Variants in CDK14 observed in about 807,000 individuals in gnomAD.
CDK14 encodes cyclin dependent kinase 14.
Under a neutral mutation model 60.7 loss-of-function variants are expected in CDK14, and 34 were observed. The observed-to-expected ratio is 0.56, with a 90% CI of 0.43 to 0.75. CDK14 has a LOEUF of 0.75. CDK14 is among the 30% of genes least tolerant of loss of function. The pLI is 0.00. For synonymous variants in CDK14, 197 were observed against 203.7 expected (o/e 0.97, Z 0.28); for missense variants, 482 against 564.1 (o/e 0.85, Z 1.47).
At chr7:91,027,695 G>C (rs1239398092) in intron 10 of CDK14, among the ~76,000 whole-genome samples, 3 of 150,894 alleles carry the variant, frequency 2.0e-5, no homozygotes, top group African/African-American at 7.3e-5. Flanking sequence ...GGGTACAAGT[G>C]GTTTTTGGTT....
At chr7:90,823,278 G>A (rs1789613647) in intron 5 of CDK14, among the ~76,000 whole-genome samples, 1 of 152,148 alleles carries the variant, frequency 6.6e-6, no homozygotes, top group African/African-American at 2.4e-5. Flanking sequence ...ATTCCCAAAG[G>A]AGATATCTAC....
At chr7:90,882,065 AG>A (rs1791773653) in intron 6 of CDK14, among the ~76,000 whole-genome samples, 1 of 152,190 alleles carries the variant, frequency 6.6e-6, no homozygotes, top group South Asian at 2.1e-4. Flanking sequence ...GCATGATGAC[AG>A]GATAAATTCA....
intron 7 of CDK14, among the ~76,000 whole-genome samples, chr7:90,900,322 T>C (rs1052058250): frequency 2.0e-5 from 3 of 152,176 alleles, no homozygotes; most frequent in Non-Finnish European, 2.9e-5. Flanking sequence ...ATATGTCTTC[T>C]TTTTGTGTTT....
chr7:91,069,615 A>G (rs1798078819), intron 11 of CDK14, among the ~76,000 whole-genome samples: 2 of 152,260 alleles, frequency 1.3e-5, no homozygotes. Flanking sequence ...ATTAAGCCTA[A>G]TAAGTATTAA....
chr7:91,173,138 C>G (rs1319515528), intron 14 of CDK14, among the ~76,000 whole-genome samples: 1 of 148,778 alleles, frequency 6.7e-6, no homozygotes, highest in Non-Finnish European at 1.5e-5. Flanking sequence ...ATATAACAAA[C>G]AAAAGGTTAC....
At chr7:90,700,293 C>T (rs942521339) in intron 2 of CDK14, among the ~76,000 whole-genome samples, 2 of 152,084 alleles carry the variant, frequency 1.3e-5, no homozygotes, top group Non-Finnish European at 2.9e-5. Context: ...GGGGTTTCAC[C>T]ATGTTGGCCA....
At chr7:91,177,436 CAT>C (rs1422577046) in intron 14 of CDK14, among the ~76,000 whole-genome samples, 2 of 151,802 alleles carry the variant, frequency 1.3e-5, no homozygotes, top group African/African-American at 4.8e-5. Context: ...TCCTATTCAA[CAT>C]AGTGTTGGAA....
chr7:90,633,745 C>CT (rs58349665), intron 2 of CDK14, among the ~76,000 whole-genome samples: 7,192 of 151,432 alleles, frequency 0.047, 203 homozygotes, highest in Non-Finnish European at 0.055. Flanking sequence ...TTTTATAAAT[C>CT]TTTTTTTTTC....
chr7:90,877,949 G>A (rs542175989), intron 6 of CDK14, among the ~76,000 whole-genome samples: 1 of 152,160 alleles, frequency 6.6e-6, no homozygotes, highest in South Asian at 2.1e-4. Context: ...TGGATGAGCA[G>A]CCAGTCTCCA....
chr7:90,599,277 GTTA>G (rs566507035), intron 1 of CDK14, among the ~76,000 whole-genome samples: 99 of 152,274 alleles, frequency 6.5e-4, no homozygotes, highest in Non-Finnish European at 1.2e-3. Context: ...CATTGTTTTT[GTTA>G]TTATTAGGAA....
intron 14 of CDK14, among the ~76,000 whole-genome samples, chr7:91,150,748 A>G (rs560139954): frequency 6.6e-6 from 1 of 152,290 alleles, no homozygotes; most frequent in East Asian, 1.9e-4. Context: ...TCTGAGTCCA[A>G]GTGAGCCCAG....
rs972668935 is a variant in CDK14 at position 90,984,154 on chromosome 7, A to G, written c.954A>G (p.Val318=). ...EYSTCLDMWG[V]GCIFVEMIQG... is the part of the protein sequence containing the mutation. ...TTCTTTCTTCTCTCTCTAGGGGAGTAGGTTGCATCTTTGTTGAAATGATCC... is the reference window on the plus strand; with the variant it reads ...TTCTTTCTTCTCTCTCTAGGGGAGTGGGTTGCATCTTTGTTGAAATGATCC... Residue 318 remains valine (V), a synonymous_variant, in exon 10 of 15, where the codon GTA becomes GTG. Coordinates refer to ENST00000380050, the MANE Select transcript of CDK14 (RefSeq NM_001287135.2). 6 of 1,599,184 alleles carry G rather than the reference A, an allele frequency of 3.8e-6. No homozygotes were observed. Among genetic ancestry groups the G allele is most frequent in the East Asian group, 2.2e-5 (1 of 44,782 alleles).
chr7:90,812,369 A>G (rs543473492), intron 5 of CDK14, among the ~76,000 whole-genome samples: 3 of 152,328 alleles, frequency 2.0e-5, no homozygotes, highest in South Asian at 2.1e-4. Context: ...TCGCAAGGAC[A>G]AAAAACCAAA....
intron 4 of CDK14, among the ~76,000 whole-genome samples, chr7:90,787,796 A>G (rs1203834615): frequency 3.9e-5 from 6 of 152,232 alleles, no homozygotes; most frequent in Non-Finnish European, 7.3e-5. Context: ...TGGAGGTTCA[A>G]TTCATGGAGA....
intron 12 of CDK14, among the ~76,000 whole-genome samples, chr7:91,080,671 T>A (rs56268602): frequency 0.014 from 2,154 of 152,312 alleles, 58 homozygotes; most frequent in African/African-American, 0.049. Context: ...ATACAGTTCC[T>A]ACCTTAATTA....
intron 1 of CDK14, among the ~76,000 whole-genome samples, chr7:90,599,574 G>T (rs955312738): frequency 6.6e-6 from 1 of 152,204 alleles, no homozygotes; most frequent in Non-Finnish European, 1.5e-5. Flanking sequence ...CAAGGTGAAG[G>T]TCAATACCAT....
Position 91,151,612 on chromosome 7 carries a change from T to C in CDK14, c.*28+33404T>C, listed in dbSNP as rs10429013. Among the ~76,000 whole-genome samples the C allele has an allele frequency of 8.9e-3, 1,354 of 152,320 alleles. 11 individuals are homozygous for C. The highest frequency in any genetic ancestry group is 0.029 in the African/African-American group (1,221 of 41,580). ...TATTTGCCATGCTTTTACAACAATCTAAATAGAAGCTGGTTTGGAATGACA... is the reference window on the plus strand; with the variant it reads ...TATTTGCCATGCTTTTACAACAATCCAAATAGAAGCTGGTTTGGAATGACA... On this transcript the variant is annotated intron_variant, in intron 14 of 14. Transcript: ENST00000380050.
intron 12 of CDK14, among the ~76,000 whole-genome samples, chr7:91,086,330 C>G (rs1427689832): frequency 6.6e-6 from 1 of 152,202 alleles, no homozygotes; most frequent in Non-Finnish European, 1.5e-5. Context: ...CTCCTCCCCT[C>G]CAGAAGCCAC....
At chr7:91,023,104 CTTGATTT>C (rs1796478398) in intron 10 of CDK14, among the ~76,000 whole-genome samples, 1 of 151,612 alleles carries the variant, frequency 6.6e-6, no homozygotes, top group Non-Finnish European at 1.5e-5. Context: ...CTTGGTGTTT[CTTGATTT>C]CCTCATGCTA....
Sources: gnomAD v4.1 joint callset for allele counts (sites outside exome capture counted in the v4.1 genomes callset) on GRCh38, gnomAD v4.1.1 for gene constraint, MANE v1.5 for transcripts, NCBI Gene and HGNC (gene_info 2026-07-23, HGNC 2026-07-21) for gene names.